Variants in FHIT observed in about 807,000 individuals in gnomAD.
FHIT encodes the protein bis(5'-adenosyl)-triphosphatase.
In FHIT, 19 loss-of-function variants were observed where a neutral mutation model predicts 17.9. That is an observed-to-expected ratio of 1.06 (90% CI 0.74 to 1.56). The LOEUF is 1.56. Ranked by LOEUF, FHIT falls within the 40% of genes most tolerant of loss-of-function variation. The pLI is 0.00. For synonymous variants in FHIT, 81 were observed against 69.7 expected (o/e 1.16, Z -0.81); for missense variants, 248 against 189.2 (o/e 1.31, Z -1.82).
chr3:60,508,957 A>C lies in FHIT; in HGVS notation c.103+27903T>G, dbSNP rs151086339. Among the ~76,000 whole-genome samples, 501 of 152,268 alleles carry C rather than the reference A, an allele frequency of 3.3e-3. 2 individuals are homozygous for C. Among genetic ancestry groups the C allele is most frequent in the African/African-American group, 0.012 (485 of 41,558 alleles). ...CGTGATAGTATAAATGTACAGACAC[A>C]AATCACTGCTTTAAGATTCCCTCTC... On this transcript the variant is annotated intron_variant, in intron 5 of 9. Transcript: ENST00000492590.
At chr3:60,330,850 C>T (rs1709932620) in intron 5 of FHIT, among the ~76,000 whole-genome samples, 1 of 152,154 alleles carries the variant, frequency 6.6e-6, no homozygotes, top group Non-Finnish European at 1.5e-5. Flanking sequence ...GCTAAAGGAA[C>T]ATCAAAGTCA....
At chr3:59,929,199 T>G (rs991297009) in intron 7 of FHIT, among the ~76,000 whole-genome samples, 2 of 151,652 alleles carry the variant, frequency 1.3e-5, no homozygotes, top group Admixed American at 6.6e-5. Context: ...TAGCAACAAG[T>G]AGAGAATGAA....
At chr3:60,691,397 G>C (rs1255724467) in intron 4 of FHIT, among the ~76,000 whole-genome samples, 4 of 149,610 alleles carry the variant, frequency 2.7e-5, no homozygotes, top group African/African-American at 9.9e-5. Context: ...TCTTGAGACA[G>C]GGTCTCTGTC....
rs143062853 is a variant in FHIT, at chr3:60,349,196, T to C, written c.103+187664A>G. Among the ~76,000 whole-genome samples the C allele has an allele frequency of 2.8e-3, 433 of 152,268 alleles. 4 individuals carry two copies. The highest frequency in any genetic ancestry group is 9.7e-3 in the African/African-American group (401 of 41,552). On this transcript the variant is annotated intron_variant, in intron 5 of 9. Transcript: ENST00000492590. Reference sequence around the variant, plus strand: ...ATTTTTTAAAAGAGAAAAGACAAAATTAAATTTGTATGCACAGTCTGAATT... The same window carrying C: ...ATTTTTTAAAAGAGAAAAGACAAAACTAAATTTGTATGCACAGTCTGAATT...
intron 5 of FHIT, among the ~76,000 whole-genome samples, chr3:60,086,023 A>T (rs573606811): frequency 6.6e-6 from 1 of 152,208 alleles, no homozygotes; most frequent in Non-Finnish European, 1.5e-5. Flanking sequence ...TGATGGCTGG[A>T]AAGTTCAAGA....
intron 4 of FHIT, among the ~76,000 whole-genome samples, chr3:60,615,044 G>A (rs1216691383): frequency 6.6e-6 from 1 of 151,834 alleles, no homozygotes; most frequent in Non-Finnish European, 1.5e-5. Context: ...TGGCCAGAAT[G>A]GTCTTGATCT....
At chr3:60,571,377 C>T (rs571339069) in intron 4 of FHIT, among the ~76,000 whole-genome samples, 5 of 117,194 alleles carry the variant, frequency 4.3e-5, no homozygotes, top group Admixed American at 9.3e-5. Flanking sequence ...CAATGAATGA[C>T]GTATTACCAA....
At chr3:60,901,479 T>G (rs1252024666) in intron 3 of FHIT, among the ~76,000 whole-genome samples, 2 of 151,698 alleles carry the variant, frequency 1.3e-5, no homozygotes, top group Non-Finnish European at 1.5e-5. Context: ...CACTTGCACT[T>G]AAGAAAGGCC....
intron 7 of FHIT, among the ~76,000 whole-genome samples, chr3:59,932,200 T>C (rs1706006439): frequency 6.6e-6 from 1 of 152,180 alleles, no homozygotes; most frequent in Non-Finnish European, 1.5e-5. Context: ...GAGTAGCTCA[T>C]CATCATCCCA....
At chr3:59,822,448 C>T (rs1416465333) in intron 8 of FHIT, among the ~76,000 whole-genome samples, 6 of 152,044 alleles carry the variant, frequency 3.9e-5, no homozygotes, top group South Asian at 2.1e-4. Flanking sequence ...ACAGCATCCA[C>T]GCCAACATCT....
chr3:60,502,218 C>G (rs1046630190), intron 5 of FHIT, among the ~76,000 whole-genome samples: 2 of 152,172 alleles, frequency 1.3e-5, no homozygotes, highest in Non-Finnish European at 2.9e-5. Context: ...AAAGCAAGAA[C>G]TATGGCCTTC....
chr3:60,911,038 T>C (rs1358374179), intron 3 of FHIT, among the ~76,000 whole-genome samples: 3 of 151,882 alleles, frequency 2.0e-5, no homozygotes, highest in African/African-American at 7.3e-5. Context: ...CAGGAAAAAA[T>C]GAGAACCAAT....
In FHIT at chr3:59,986,498, AATATATATATATATATATAT is replaced by A. The variant is rs74199531; in HGVS notation, c.279+24853_279+24872del. 8.9e-3 allele frequency among the ~76,000 whole-genome samples: 553 copies of A among 62,318 alleles called. 14 individuals carry two copies. The highest frequency in any genetic ancestry group is 0.036 in the Middle Eastern group (5 of 140). 40.9% of individuals were successfully genotyped at this position (62,318 alleles called of 152,430 possible). A position where few individuals can be genotyped will look rare whatever the true frequency, so the allele number is the denominator to read the frequency against. ...CTCTGGGTATGAGAAAGTAGTCCAA[AATATATATATATATATATAT>A]ATATATATATATATATATATATACA... On this transcript the variant is annotated intron_variant, in intron 7 of 9. Coordinates refer to ENST00000492590, the MANE Select transcript of FHIT (RefSeq NM_002012.4).
At chr3:61,013,502 T>G (rs914906868) in intron 3 of FHIT, among the ~76,000 whole-genome samples, 8 of 152,236 alleles carry the variant, frequency 5.3e-5, no homozygotes, top group Non-Finnish European at 1.0e-4. Flanking sequence ...TTCATTTTAT[T>G]TAGGTCCAAA....
At chr3:60,420,977 T>A (rs575193899) in intron 5 of FHIT, among the ~76,000 whole-genome samples, 1 of 151,480 alleles carries the variant, frequency 6.6e-6, no homozygotes, top group East Asian at 1.9e-4. Flanking sequence ...CTTTATCTCC[T>A]CCTCACCAGT....
At chr3:60,451,374 C>T (rs1326696891) in intron 5 of FHIT, among the ~76,000 whole-genome samples, 2 of 152,116 alleles carry the variant, frequency 1.3e-5, no homozygotes, top group African/African-American at 2.4e-5. Context: ...TTCAGACCTT[C>T]TTCATTTCTG....
At chr3:60,659,975 G>C (rs2040202285) in intron 4 of FHIT, among the ~76,000 whole-genome samples, 1 of 152,128 alleles carries the variant, frequency 6.6e-6, no homozygotes, top group South Asian at 2.1e-4. Context: ...CTGTGCTGAG[G>C]ATAAGCCTGA....
chr3:60,866,699 G>A (rs1704179585), intron 3 of FHIT, among the ~76,000 whole-genome samples: 1 of 152,170 alleles, frequency 6.6e-6, no homozygotes, highest in Non-Finnish European at 1.5e-5. Context: ...AACCCAGAGG[G>A]TTTTTCCAGC....
intron 5 of FHIT, among the ~76,000 whole-genome samples, chr3:60,481,838 A>G (rs924141917): frequency 1.3e-5 from 2 of 152,198 alleles, no homozygotes; most frequent in African/African-American, 2.4e-5. Context: ...CGAACCTTAA[A>G]TGTAAATGGG....
Sources: allele counts gnomAD v4.1 joint callset (sites outside exome capture counted in the v4.1 genomes callset), GRCh38; gene constraint gnomAD v4.1.1; transcripts MANE v1.5; gene names NCBI Gene and HGNC (gene_info 2026-07-23, HGNC 2026-07-21).